Variants in FAM25G observed in about 807,000 individuals in gnomAD.
FAM25G encodes family with sequence similarity 25 member G, also known as protein FAM25G.
A neutral mutation model predicts 6.4 loss-of-function variants in FAM25G; 3 were observed. The ratio of observed to expected loss-of-function variants is 0.47; its 90% CI spans 0.21 to 1.21. The LOEUF (loss-of-function observed/expected upper bound fraction) is 1.21. FAM25G is among the 50% of genes most tolerant of loss of function. FAM25G has a pLI of 0.22. For missense variants in FAM25G, 34 were observed against 76.0 expected (o/e 0.45, Z 2.06); for synonymous variants, 15 against 31.3 (o/e 0.48, Z 1.74).
intron 2 of FAM25G, among the ~76,000 whole-genome samples, chr10:47,488,741 T>TTTTTTG (rs1840090949): frequency 7.3e-6 from 1 of 136,770 alleles, no homozygotes; most frequent in African/African-American, 2.9e-5. Context: ...TTTTTTTTTT[T>TTTTTTG]TTTTGAGACA....
intron 2 of FAM25G, among the ~76,000 whole-genome samples, chr10:47,489,307 C>G (rs1235157083): frequency 1.4e-5 from 2 of 144,010 alleles, no homozygotes; most frequent in East Asian, 5.2e-4. Context: ...CATGAGCCAC[C>G]GCACCCTGCC....
At chr10:47,489,891 C>T (rs1315451791) in intron 1 of FAM25G, among the ~76,000 whole-genome samples, 2 of 149,452 alleles carry the variant, frequency 1.3e-5, no homozygotes, top group African/African-American at 5.0e-5. Flanking sequence ...GACAGACTGA[C>T]TCATGAGAAG....
intron 1 of FAM25G, among the ~76,000 whole-genome samples, chr10:47,490,666 AATC>A (rs1840135347): frequency 6.9e-6 from 1 of 144,836 alleles, no homozygotes; most frequent in South Asian, 2.3e-4. Flanking sequence ...TCCCAACAGG[AATC>A]ATAAAAAACT....
intron 2 of FAM25G, among the ~76,000 whole-genome samples, chr10:47,488,632 A>G (rs1228947994): frequency 6.7e-6 from 1 of 148,356 alleles, no homozygotes; most frequent in Non-Finnish European, 1.5e-5. Context: ...AAGGAATGAG[A>G]TATACACATG....
intron 2 of FAM25G, among the ~76,000 whole-genome samples, chr10:47,489,208 C>T (rs1178379278): frequency 0.051 from 6,943 of 136,140 alleles, 249 homozygotes; most frequent in Non-Finnish European, 0.075. Context: ...TTAGTAGAGA[C>T]GGGGTTTCAC....
chr10:47,489,079 A>T, intron 2 of FAM25G, among the ~76,000 whole-genome samples: 2 of 146,094 alleles, frequency 1.4e-5, no homozygotes, highest in African/African-American at 2.6e-5. Context: ...GTGCAGTGGC[A>T]TGATCTAGGC....
At chr10:47,488,712 AATT>A (rs1291106753) in intron 2 of FAM25G, among the ~76,000 whole-genome samples, 4,581 of 94,834 alleles carry the variant, frequency 0.048, 346 homozygotes, top group East Asian at 0.29. Flanking sequence ...TTACATGTTA[AATT>A]TTTTTTTTTT....
intron 2 of FAM25G, among the ~76,000 whole-genome samples, chr10:47,489,219 C>G (rs1840103197): frequency 7.4e-6 from 1 of 135,804 alleles, no homozygotes; most frequent in African/African-American, 2.7e-5. Flanking sequence ...GGGGTTTCAC[C>G]GTGTTAGCCA....
intron 1 of FAM25G, among the ~76,000 whole-genome samples, chr10:47,489,975 C>T (rs1588939335): frequency 6.6e-6 from 1 of 150,744 alleles, no homozygotes; most frequent in Admixed American, 6.6e-5. Context: ...CAATGAGCCC[C>T]ATGAGGGCAT....
chr10:47,489,427 G>A (rs1340265577), intron 2 of FAM25G, among the ~76,000 whole-genome samples, 159 bp downstream of exon 2: 116 of 150,654 alleles, frequency 7.7e-4, no homozygotes, highest in African/African-American at 2.8e-3. Context: ...ACAGTCTGTG[G>A]CCTCTGATGA....
Position 47,487,221 on chromosome 10 carries a change from C to T in FAM25G, c.*54G>A. The stretch of plus-strand genomic sequence containing the variant: ...GGGAATAAATCCAGCGCTCAATGTA[C>T]ACATGTCATGGCTTTTTATTGAGAC... On this transcript the variant is annotated 3_prime_UTR_variant, in exon 3 of 3. Transcript: ENST00000452267. 1.8e-6 allele frequency: 2 copies of T among 1,108,808 alleles called. No homozygotes were observed. The highest frequency in any genetic ancestry group is 2.6e-6 in the Non-Finnish European group (2 of 781,082). 68.7% of individuals were successfully genotyped at this position (1,108,808 alleles called of 1,614,324 possible). A position where few individuals can be genotyped will look rare whatever the true frequency, so the allele number is the denominator to read the frequency against.
At chr10:47,488,686 C>T (rs1588938542) in intron 2 of FAM25G, among the ~76,000 whole-genome samples, 1 of 126,388 alleles carries the variant, frequency 7.9e-6, no homozygotes, top group Non-Finnish European at 1.6e-5. Flanking sequence ...ATCAATTTAA[C>T]ATTTAACATA....
At chr10:47,488,713 A>ATTTTTTTTTT (rs1160121365) in intron 2 of FAM25G, among the ~76,000 whole-genome samples, 17 of 62,118 alleles carry the variant, frequency 2.7e-4, no homozygotes, top group African/African-American at 5.7e-4. Flanking sequence ...TACATGTTAA[A>ATTTTTTTTTT]TTTTTTTTTT....
intron 1 of FAM25G, chr10:47,490,506 C>T (rs1351572535): frequency 6.5e-6 from 1 of 152,898 alleles, no homozygotes; most frequent in Middle Eastern, 3.2e-3. Flanking sequence ...AACAAAGAAA[C>T]AGGTGGTGAG....
intron 2 of FAM25G, among the ~76,000 whole-genome samples, chr10:47,488,713 A>ATTTTTTTTTTTTTTTTTTT (rs1160121365): frequency 1.6e-5 from 1 of 62,106 alleles, no homozygotes. Context: ...TACATGTTAA[A>ATTTTTTTTTTTTTTTTTTT]TTTTTTTTTT....
intron 1 of FAM25G, chr10:47,490,470 G>A (rs1250110402): frequency 6.5e-6 from 1 of 152,730 alleles, no homozygotes; most frequent in Non-Finnish European, 1.5e-5. Flanking sequence ...CGAGTTCTGG[G>A]AGCCCACGCT....
intron 2 of FAM25G, among the ~76,000 whole-genome samples, chr10:47,488,713 A>ATTTTTTTTTTTTTTTTT (rs1160121365): frequency 1.6e-5 from 1 of 62,106 alleles, no homozygotes; most frequent in Non-Finnish European, 2.7e-5. Flanking sequence ...TACATGTTAA[A>ATTTTTTTTTTTTTTTTT]TTTTTTTTTT....
chr10:47,487,774 G>GGT (rs1840073040), intron 2 of FAM25G, among the ~76,000 whole-genome samples: 1 of 134,800 alleles, frequency 7.4e-6, no homozygotes, highest in African/African-American at 2.8e-5. Flanking sequence ...GGTTTATAGT[G>GGT]TTTTTTTTTT....
At chr10:47,490,110 G>A (rs1398117679) in intron 1 of FAM25G, among the ~76,000 whole-genome samples, 1 of 150,892 alleles carries the variant, frequency 6.6e-6, no homozygotes, top group Non-Finnish European at 1.5e-5. Flanking sequence ...GGATGTGCTA[G>A]CGCCTGCCTC....
Sources: gnomAD v4.1 joint callset for allele counts (sites outside exome capture counted in the v4.1 genomes callset) on GRCh38, gnomAD v4.1.1 for gene constraint, MANE v1.5 for transcripts, NCBI Gene and HGNC (gene_info 2026-07-23, HGNC 2026-07-21) for gene names.